Variants in UBE2E3 observed in about 807,000 individuals in gnomAD.
The protein encoded by UBE2E3 is ubiquitin-conjugating enzyme E2 E3.
Under a neutral mutation model 23.6 loss-of-function variants are expected in UBE2E3, and 5 were observed. That is an observed-to-expected ratio of 0.21 (90% CI 0.11 to 0.44). The LOEUF (loss-of-function observed/expected upper bound fraction) is 0.44, where lower values mean the gene tolerates loss of function less well. Among genes scored for constraint, UBE2E3 ranks in the 20% least tolerant of loss-of-function variants. UBE2E3 has a pLI of 0.99. For synonymous variants in UBE2E3, 78 were observed against 87.5 expected (o/e 0.89, Z 0.60); for missense variants, 81 against 249.8 (o/e 0.32, Z 4.55).
intron 3 of UBE2E3, among the ~76,000 whole-genome samples, chr2:180,992,654 CCTGA>C (rs970071603): frequency 3.3e-5 from 5 of 152,038 alleles, no homozygotes; most frequent in Admixed American, 2.6e-4. Context: ...CCCCACCATG[CCTGA>C]CTAACTTTTT....
At chr2:181,046,628 A>G (rs953880741) in intron 3 of UBE2E3, among the ~76,000 whole-genome samples, 8 of 152,172 alleles carry the variant, frequency 5.3e-5, no homozygotes, top group Non-Finnish European at 1.2e-4. Context: ...TAAACTGTAC[A>G]GTGTGCAAAG....
At chr2:181,051,488 T>G (rs1352377150) in intron 3 of UBE2E3, among the ~76,000 whole-genome samples, 2 of 151,848 alleles carry the variant, frequency 1.3e-5, no homozygotes, top group Non-Finnish European at 2.9e-5. Context: ...TTTATAATCT[T>G]AATTACCTAA....
intron 3 of UBE2E3, among the ~76,000 whole-genome samples, chr2:181,014,477 T>G (rs780263392): frequency 2.6e-5 from 4 of 152,180 alleles, no homozygotes; most frequent in African/African-American, 9.7e-5. Flanking sequence ...GAGTTAACTT[T>G]TAATGATTGA....
intron 3 of UBE2E3, among the ~76,000 whole-genome samples, chr2:181,045,962 T>C (rs1043585421): frequency 6.6e-6 from 1 of 152,202 alleles, no homozygotes; most frequent in Non-Finnish European, 1.5e-5. Flanking sequence ...TATAAGTGAC[T>C]TTGTATCTAT....
intron 3 of UBE2E3, among the ~76,000 whole-genome samples, chr2:181,032,820 G>A (rs969134786): frequency 1.3e-5 from 2 of 152,098 alleles, no homozygotes; most frequent in African/African-American, 2.4e-5. Flanking sequence ...AAGCTGATAA[G>A]CAACTTCAGC....
intron 3 of UBE2E3, among the ~76,000 whole-genome samples, chr2:181,048,888 C>T (rs1686747418): frequency 1.3e-5 from 2 of 152,068 alleles, no homozygotes; most frequent in South Asian, 2.1e-4. Context: ...TGATGTACTT[C>T]ATATAATTAA....
At chr2:180,983,418 C>T (rs1559109846) in intron 2 of UBE2E3, among the ~76,000 whole-genome samples, 1 of 152,126 alleles carries the variant, frequency 6.6e-6, no homozygotes, top group Non-Finnish European at 1.5e-5. Flanking sequence ...CTTTTCTCCC[C>T]CTTAACTCAG....
chr2:181,014,621 G>A (rs1218916461), intron 3 of UBE2E3, among the ~76,000 whole-genome samples: 2 of 152,148 alleles, frequency 1.3e-5, no homozygotes, highest in Non-Finnish European at 1.5e-5. Flanking sequence ...GAGGTAGAAA[G>A]TATTTCATAG....
chr2:181,036,888 TG>T (rs1447663387), intron 3 of UBE2E3, among the ~76,000 whole-genome samples: 1 of 152,254 alleles, frequency 6.6e-6, no homozygotes, highest in Non-Finnish European at 1.5e-5. Context: ...AATTAGCCTG[TG>T]GTTAAATTGG....
At chr2:181,025,657 A>T (rs1316876689) in intron 3 of UBE2E3, among the ~76,000 whole-genome samples, 1 of 151,934 alleles carries the variant, frequency 6.6e-6, no homozygotes, top group Admixed American at 6.6e-5. Context: ...TAGGGCCATT[A>T]TTAATTTTGT....
chr2:181,059,404 G>C (rs1388255652), intron 4 of UBE2E3, among the ~76,000 whole-genome samples: 26 of 151,628 alleles, frequency 1.7e-4, no homozygotes. Context: ...TCAGTGATCT[G>C]AACATAAATT....
chr2:181,017,072 G>C (rs1035876370), intron 3 of UBE2E3, among the ~76,000 whole-genome samples: 1 of 152,226 alleles, frequency 6.6e-6, no homozygotes, highest in Admixed American at 6.5e-5. Context: ...ATTTAAAAGA[G>C]AAAACTGGAG....
At chr2:181,020,451 T>A (rs1242636019) in intron 3 of UBE2E3, among the ~76,000 whole-genome samples, 1 of 152,228 alleles carries the variant, frequency 6.6e-6, no homozygotes, top group African/African-American at 2.4e-5. Flanking sequence ...CATTTTGAGA[T>A]ACTGGGGGTT....
At chr2:181,047,442 TA>T (rs138136350) in intron 3 of UBE2E3, among the ~76,000 whole-genome samples, 2 of 152,266 alleles carry the variant, frequency 1.3e-5, no homozygotes, top group African/African-American at 4.8e-5. Flanking sequence ...TTGACATACT[TA>T]TCTTTTGGAT....
At chr2:181,022,711 TA>T (rs1030090531) in intron 3 of UBE2E3, among the ~76,000 whole-genome samples, 2 of 150,852 alleles carry the variant, frequency 1.3e-5, no homozygotes, top group Admixed American at 6.6e-5. Flanking sequence ...AGCATGGTAC[TA>T]AGTAGGCTGC....
intron 3 of UBE2E3, among the ~76,000 whole-genome samples, chr2:180,998,829 T>G (rs958827869): frequency 6.6e-5 from 10 of 152,154 alleles, no homozygotes; most frequent in African/African-American, 2.4e-4. Context: ...AAAAAAATCG[T>G]CAACGGCAGT....
chr2:180,983,758 A>C (rs1392355328), intron 2 of UBE2E3, among the ~76,000 whole-genome samples: 1 of 152,212 alleles, frequency 6.6e-6, no homozygotes, highest in East Asian at 1.9e-4. Context: ...AAGTGTTTTG[A>C]AATAGATATT....
chr2:181,034,408 T>G (rs2105652934), intron 3 of UBE2E3, among the ~76,000 whole-genome samples: 1 of 152,322 alleles, frequency 6.6e-6, no homozygotes, highest in Middle Eastern at 3.4e-3. Context: ...ACCATCATTC[T>G]CAGCAAACTG....
intron 3 of UBE2E3, among the ~76,000 whole-genome samples, chr2:180,998,076 G>A (rs1325587675): frequency 1.3e-5 from 2 of 152,138 alleles, no homozygotes; most frequent in African/African-American, 2.4e-5. Flanking sequence ...TTAGTTGAAA[G>A]TAGTTCTGAA....
Sources: allele counts gnomAD v4.1 joint callset (sites outside exome capture counted in the v4.1 genomes callset), GRCh38; gene constraint gnomAD v4.1.1; transcripts MANE v1.5; gene names NCBI Gene and HGNC (gene_info 2026-07-23, HGNC 2026-07-21).